Variants in KALRN observed in about 807,000 individuals in gnomAD.
The protein encoded by KALRN is kalirin RhoGEF kinase, also known as kalirin.
Under a neutral mutation model 353.7 loss-of-function variants are expected in KALRN, and 70 were observed. That is an observed-to-expected ratio of 0.20 (90% CI 0.16 to 0.24). The LOEUF is 0.24. Among genes scored for constraint, KALRN ranks in the 10% least tolerant of loss-of-function variants. The pLI is 1.00. For synonymous variants in KALRN, 1,391 were observed against 1,434.8 expected, an observed-to-expected ratio of 0.97 and a Z score of 0.69; for missense variants, 2,791 against 3,756.7, an observed-to-expected ratio of 0.74 and a Z score of 6.72.
chr3:124,195,281 AC>A (rs1193511084), intron 1 of KALRN, among the ~76,000 whole-genome samples: 1 of 152,088 alleles, frequency 6.6e-6, no homozygotes, highest in East Asian at 1.9e-4. Flanking sequence ...AGATGAACTT[AC>A]CTTTCTTAAG....
At chr3:124,097,897 T>C (rs2061561942) in intron 1 of KALRN, among the ~76,000 whole-genome samples, 1 of 152,216 alleles carries the variant, frequency 6.6e-6, no homozygotes, top group South Asian at 2.1e-4. Context: ...GTTTGCCAAT[T>C]CTGCTGATTG....
intron 5 of KALRN, among the ~76,000 whole-genome samples, chr3:124,296,892 C>T (rs1560492796): frequency 6.6e-6 from 1 of 152,260 alleles, no homozygotes; most frequent in Admixed American, 6.5e-5. Flanking sequence ...GCCTTCTCTG[C>T]TCTTCCCCAT....
intron 1 of KALRN, among the ~76,000 whole-genome samples, chr3:124,146,551 T>G (rs1422719130): frequency 2.0e-5 from 3 of 150,706 alleles, no homozygotes; most frequent in Non-Finnish European, 4.4e-5. Flanking sequence ...TACTAGAAGG[T>G]GGGGAAAGGG....
At chr3:124,482,526 G>A (rs1278329939) in intron 27 of KALRN, among the ~76,000 whole-genome samples, 1 of 151,894 alleles carries the variant, frequency 6.6e-6, no homozygotes, top group African/African-American at 2.4e-5. Context: ...CTTTTCTACT[G>A]TTCTTTTTCT....
intron 3 of KALRN, among the ~76,000 whole-genome samples, chr3:124,248,941 C>G (rs2070731474): frequency 6.6e-6 from 1 of 152,220 alleles, no homozygotes; most frequent in Non-Finnish European, 1.5e-5. Flanking sequence ...AGAGAATGTC[C>G]TGGATCTCCA....
At chr3:124,675,537 TCC>T (rs369743435) in intron 49 of KALRN, 12 of 139,934 alleles carry the variant, frequency 8.6e-5, no homozygotes, top group African/African-American at 8.0e-5. Context: ...TTTTTTTTTT[TCC>T]CTTTTCTGTA....
intron 1 of KALRN, among the ~76,000 whole-genome samples, chr3:124,049,651 C>G (rs1339525893): frequency 2.8e-4 from 42 of 152,078 alleles, no homozygotes; most frequent in Non-Finnish European, 1.0e-4. Context: ...TTTTTCATGT[C>G]TGGTAGGAAA....
Position 124,384,947 on chromosome 3 carries a change from G to T in KALRN, c.1873G>T (p.Glu625Ter). 1 of 1,614,152 alleles carries T rather than the reference G, an allele frequency of 6.2e-7. No homozygotes were observed. The highest frequency in any genetic ancestry group is 8.5e-7 in the Non-Finnish European group (1 of 1,180,016). The change falls in exon 11 of 60, where the codon GAG (glutamate) becomes TAG (stop). Residue 625 changes from glutamate (E) to a stop codon, truncating the protein, a stop_gained. Coordinates refer to ENST00000682506, the MANE Select transcript of KALRN (RefSeq NM_001388419.1). LOFTEE classifies it high-confidence loss of function. ...GATCTACAAGGCAGCTCGACACCTG[G>T]AGGTGCGCATCCAAGACTTCGTGCG... ...EEIYKAARHL[E>*]VRIQDFVRRV...
chr3:124,090,751 C>G (rs1337391324), intron 1 of KALRN, among the ~76,000 whole-genome samples: 1 of 152,174 alleles, frequency 6.6e-6, no homozygotes, highest in Non-Finnish European at 1.5e-5. Flanking sequence ...GGATGGATCA[C>G]CATTGCAGAA....
chr3:124,418,985 T>C (rs575573676), intron 14 of KALRN, among the ~76,000 whole-genome samples: 2 of 151,676 alleles, frequency 1.3e-5, no homozygotes, highest in African/African-American at 2.4e-5. Context: ...GGCAGGAGAA[T>C]CGCTTGAACC....
At chr3:124,377,069 GA>G (rs1454766355) in intron 10 of KALRN, among the ~76,000 whole-genome samples, 2 of 152,170 alleles carry the variant, frequency 1.3e-5, no homozygotes, top group Non-Finnish European at 2.9e-5. Flanking sequence ...ATGTTTCAGT[GA>G]AAAGTACTGG....
At chr3:124,634,072 C>T (rs2081087127) in intron 36 of KALRN, 119 bp downstream of exon 36, 2 of 731,978 alleles carry the variant, frequency 2.7e-6, no homozygotes. Flanking sequence ...CCACATGAAT[C>T]CATGTTGATA....
intron 28 of KALRN, 128 bp from the exon 29 acceptor site, chr3:124,488,076 C>G (rs148524597): frequency 3.4e-5 from 20 of 581,484 alleles, no homozygotes; most frequent in Non-Finnish European, 6.2e-5. Context: ...CCCCACCTCA[C>G]TTTCTTTATA....
intron 34 of KALRN, among the ~76,000 whole-genome samples, chr3:124,584,243 T>C (rs73191621): frequency 0.11 from 16,306 of 152,056 alleles, 891 homozygotes; most frequent in African/African-American, 0.13. Context: ...TTATTAGTAA[T>C]CAGCATTACA....
chr3:124,439,381 T>C (rs2093601784), intron 18 of KALRN, among the ~76,000 whole-genome samples: 1 of 152,214 alleles, frequency 6.6e-6, no homozygotes, highest in Non-Finnish European at 1.5e-5. Flanking sequence ...TTGCACTTTT[T>C]GTATAGTTAG....
chr3:124,114,664 A>C (rs1175233568), intron 1 of KALRN, among the ~76,000 whole-genome samples: 1 of 152,222 alleles, frequency 6.6e-6, no homozygotes, highest in African/African-American at 2.4e-5. Context: ...GAGGAAGGAC[A>C]TGGCAGGTAC....
Position 124,395,042 on chromosome 3 carries a change from A to G in KALRN, c.1963-93A>G, listed in dbSNP as rs1168558221. The G allele has an allele frequency of 4.4e-6, 4 of 900,738 alleles. No individual in the cohort carries two copies. The African/African-American group carries it at 6.5e-5, about 15-fold the overall frequency. The allele number at this position is 900,738 out of a possible 1,614,324, so 55.8% of individuals were successfully genotyped here. ...AGAATGGCACTGACTGGTTGAGAGT[A>G]AGTTGGGTGATTCCAGTCTAGCTTC... On this transcript the variant is annotated intron_variant, in intron 11 of 59. Transcript: ENST00000682506.
intron 33 of KALRN, among the ~76,000 whole-genome samples, chr3:124,506,292 C>T (rs541778577): frequency 2.0e-5 from 3 of 152,216 alleles, no homozygotes; most frequent in East Asian, 3.9e-4. Flanking sequence ...CAGACACTTG[C>T]CCCACTACTA....
intron 13 of KALRN, among the ~76,000 whole-genome samples, chr3:124,413,260 T>C (rs1465037884): frequency 1.3e-5 from 2 of 152,226 alleles, no homozygotes; most frequent in African/African-American, 4.8e-5. Flanking sequence ...GCTGTTGCTA[T>C]AGGCATTGAA....
Sources: allele counts gnomAD v4.1 joint callset (sites outside exome capture counted in the v4.1 genomes callset), GRCh38; gene constraint gnomAD v4.1.1; transcripts MANE v1.5; gene names NCBI Gene and HGNC (gene_info 2026-07-23, HGNC 2026-07-21).